The following KMT2C variants were observed in gnomAD, a reference collection of about 807,000 sequenced individuals.
KMT2C encodes lysine methyltransferase 2C.
In KMT2C, 88 loss-of-function variants were observed where a neutral mutation model predicts 507.9. The ratio of observed to expected loss-of-function variants is 0.17; its 90% confidence interval spans 0.15 to 0.21. The LOEUF (loss-of-function observed/expected upper bound fraction) is 0.21. Ranked by LOEUF, KMT2C falls within the 10% of genes least tolerant of loss-of-function variation. KMT2C has a pLI of 1.00. For missense variants in KMT2C, 4,954 were observed against 5,957.8 expected, an observed-to-expected ratio of 0.83 and a Z score of 5.55; for synonymous variants, 2,049 against 2,080.8, an observed-to-expected ratio of 0.98 and a Z score of 0.42.
In KMT2C at chr7:152,177,602, A is replaced by G; in HGVS notation, c.7851T>C (p.Asn2617=). The G allele has an allele frequency of 4.3e-6, 7 of 1,614,128 alleles. No individual in the cohort carries two copies. Among genetic ancestry groups the G allele is most frequent in the Non-Finnish European group, 5.9e-6 (7 of 1,180,020 alleles). Residue 2617 remains asparagine (N), a synonymous_variant, in exon 38 of 59, where the codon AAT becomes AAC. Transcript: ENST00000262189. The stretch of plus-strand genomic sequence containing the variant: ...CCAAATCTGGGTGCACAGGTAGCTG[A>G]TTAGGTAGACCCTGGGGAGGTCGTC... ...PMRRPPQGLP[N]QLPVHPDLEQ... is the part of the protein sequence containing the mutation.
intron 15 of KMT2C, among the ~76,000 whole-genome samples, chr7:152,237,327 C>G (rs1197874344): frequency 7.9e-5 from 12 of 151,788 alleles, no homozygotes; most frequent in Admixed American, 7.9e-4. Flanking sequence ...ACAAAAGGAA[C>G]GGGAGGAATG....
chr7:152,287,095 C>A (rs1372997969), intron 6 of KMT2C, among the ~76,000 whole-genome samples: 1 of 152,214 alleles, frequency 6.6e-6, no homozygotes, highest in Non-Finnish European at 1.5e-5. Flanking sequence ...GACATTCATA[C>A]CCACTGAGCA....
chr7:152,173,479 T>A (rs1321610705), intron 39 of KMT2C, among the ~76,000 whole-genome samples: 2 of 152,130 alleles, frequency 1.3e-5, no homozygotes, highest in Non-Finnish European at 2.9e-5. Context: ...ATCTGCATTT[T>A]AAAAAAATTA....
chr7:152,284,444 A>G (rs1031605573), intron 6 of KMT2C, among the ~76,000 whole-genome samples: 6 of 152,132 alleles, frequency 3.9e-5, no homozygotes, highest in African/African-American at 9.7e-5. Flanking sequence ...TTCTTTTATC[A>G]TATGTGTAAT....
Position 152,146,745 on chromosome 7 carries a change from G to A in KMT2C, c.13895-10C>T. Reference sequence around the variant, plus strand: ...ATCTTATCCCAGACACCTACACAGGGACAAAAACATAATTTTTATAGGAAA... The same window carrying A: ...ATCTTATCCCAGACACCTACACAGGAACAAAAACATAATTTTTATAGGAAA... On this transcript the variant is annotated splice_polypyrimidine_tract_variant and intron_variant, in intron 52 of 58. Coordinates refer to ENST00000262189, the MANE Select transcript of KMT2C (RefSeq NM_170606.3). The A allele has an allele frequency of 1.2e-6, 2 of 1,611,760 alleles. No homozygotes were observed. The highest frequency in any genetic ancestry group is 1.7e-6 in the Non-Finnish European group (2 of 1,178,774).
At chr7:152,324,092 G>A (rs1380523835) in intron 3 of KMT2C, among the ~76,000 whole-genome samples, 2 of 151,676 alleles carry the variant, frequency 1.3e-5, no homozygotes, top group African/African-American at 2.4e-5. Flanking sequence ...ATTGAGATAG[G>A]AGGAATAGGT....
intron 4 of KMT2C, 171 bp from the exon 5 acceptor site, chr7:152,312,117 A>T (rs955870631): frequency 4.6e-6 from 2 of 439,120 alleles, no homozygotes; most frequent in African/African-American, 4.0e-5. Context: ...ATAATATTAA[A>T]CTGGGTTGCC....
Position 152,181,923 on chromosome 7 carries a change from G to A in KMT2C, c.5937C>T (p.Pro1979=), listed in dbSNP as rs1159359956. The A allele has an allele frequency of 8.7e-6, 14 of 1,613,996 alleles. No homozygotes were observed. The highest frequency in any genetic ancestry group is 1.1e-5 in the Non-Finnish European group (13 of 1,180,016). ...TPRPVMTDQF[P]KSLGLSRSPV... is the part of the protein sequence containing the mutation. ...GAGACCGGGATAGGCCCAAGGATTT[G>A]GGAAATTGATCTGTCATCACAGGCC... The change falls in exon 36 of 59, where the codon CCC becomes CCT. Residue 1979 remains proline (P), a synonymous_variant. Transcript: ENST00000262189.
intron 55 of KMT2C, among the ~76,000 whole-genome samples, chr7:152,140,963 G>A (rs2090463216): frequency 6.6e-6 from 1 of 152,236 alleles, no homozygotes; most frequent in Non-Finnish European, 1.5e-5. Flanking sequence ...AAATGGGCCA[G>A]GCGTGGTGAC....
chr7:152,315,242 T>C lies in KMT2C; in HGVS notation c.486A>G (p.Pro162=), dbSNP rs141143474. 2.1e-5 allele frequency: 34 copies of C among 1,614,034 alleles called. No individual in the cohort carries two copies. The highest frequency in any genetic ancestry group is 1.6e-4 in the African/African-American group (12 of 75,038). Residue 162 remains proline, a synonymous_variant, in exon 4 of 59, where the codon CCA becomes CCG. Coordinates refer to ENST00000262189, the MANE Select transcript of KMT2C (RefSeq NM_170606.3). ...QFRITPGFIL[P]WRNQPSNKKD... is the part of the protein sequence containing the mutation. ...TCTTGTTAGAAGGTTGGTTTCTCCA[T>C]GGCAAGATAAATCCAGGCGTTATTC...
chr7:152,197,819 C>A (rs1271281813), intron 27 of KMT2C, among the ~76,000 whole-genome samples: 1 of 151,680 alleles, frequency 6.6e-6, no homozygotes, highest in Admixed American at 6.6e-5. Flanking sequence ...AGTTCAATTG[C>A]AAAGAACAAT....
At chr7:152,356,577 C>CA (rs888298894) in intron 2 of KMT2C, among the ~76,000 whole-genome samples, 18 of 146,560 alleles carry the variant, frequency 1.2e-4, no homozygotes, top group Non-Finnish European at 6.0e-5. Flanking sequence ...AACTCTGTCT[C>CA]AAAAAAACAA....
rs569457060 is a variant in KMT2C at position 152,377,463 on chromosome 7, G to C, written c.162-18788C>G. 2.1e-4 allele frequency among the ~76,000 whole-genome samples: 32 copies of C among 152,280 alleles called. No homozygotes were observed. The South Asian group carries it at 6.4e-3, about 31-fold the overall frequency. On this transcript the variant is annotated intron_variant, in intron 1 of 58. Transcript: ENST00000262189. ...TAAGAAATACATTTCGGCCAGGTAC[G>C]GTGGCTCATGCCTGTAATCCCAGCA... is the stretch of plus-strand genomic sequence containing the variant.
rs938826373 is a variant in KMT2C, at chr7:152,308,673, C to CAAAAAAAAAAA, written c.849+1282_849+1292dup. 4.6e-3 allele frequency among the ~76,000 whole-genome samples: 112 copies of CAAAAAAAAAAA among 24,566 alleles called. 8 individuals carry two copies. The highest frequency in any genetic ancestry group is 0.012 in the African/African-American group (80 of 6,732). The allele number at this position is 24,566 out of a possible 152,430, so 16.1% of individuals were successfully genotyped here. On this transcript the variant is annotated intron_variant, in intron 6 of 58. Coordinates refer to ENST00000262189, the MANE Select transcript of KMT2C (RefSeq NM_170606.3). Reference sequence around the variant, plus strand: ...CTGCACAACACAGCAAAACTCCTCTCAAAAAAAAAAAAAAAAAAAAAAAAA... The same window carrying CAAAAAAAAAAA: ...CTGCACAACACAGCAAAACTCCTCTCAAAAAAAAAAAAAAAAAAAAAAAAAAAAAAAAAAAA...
chr7:152,225,655 A>T (rs192857991), intron 18 of KMT2C, among the ~76,000 whole-genome samples: 1 of 152,322 alleles, frequency 6.6e-6, no homozygotes, highest in East Asian at 1.9e-4. Flanking sequence ...AAGACTTGGG[A>T]TCTATAAATC....
intron 1 of KMT2C, among the ~76,000 whole-genome samples, chr7:152,423,003 C>T (rs1363520643): frequency 1.4e-5 from 2 of 144,912 alleles, no homozygotes; most frequent in African/African-American, 2.6e-5. Flanking sequence ...GGCAACAGAG[C>T]GAGACTCTCA....
chr7:152,148,421 A>G lies in KMT2C; in HGVS notation c.13506T>C (p.Leu4502=), dbSNP rs933037404. The change falls in exon 52 of 59, where the codon CTT becomes CTC. Residue 4502 remains leucine, a synonymous_variant. Coordinates refer to ENST00000262189, the MANE Select transcript of KMT2C (RefSeq NM_170606.3). This position sits in a 1 kb window ranked among gnomAD's most constrained non-coding sequence, Gnocchi z 7.1. The part of the protein sequence containing the change: ...QCMFFKDKTM[L]CPMHKPKGIH... ...TTCCCTTTGGTTTGTGCATGGGGCAAAGCATAGTTTTGTCCTTAAAAAACA... is the reference window on the plus strand; with the variant it reads ...TTCCCTTTGGTTTGTGCATGGGGCAGAGCATAGTTTTGTCCTTAAAAAACA... 4 of 1,614,148 alleles carry G rather than the reference A, an allele frequency of 2.5e-6. No individual in the cohort carries two copies. The highest frequency in any genetic ancestry group is 3.4e-6 in the Non-Finnish European group (4 of 1,180,054).
chr7:152,243,654 G>A (rs891067512), intron 14 of KMT2C, among the ~76,000 whole-genome samples: 9 of 151,970 alleles, frequency 5.9e-5, no homozygotes, highest in African/African-American at 1.9e-4. Context: ...GTGTGTTGAC[G>A]TGCGCCCGTA....
chr7:152,362,021 GAAAT>G (rs1205500403), intron 1 of KMT2C, among the ~76,000 whole-genome samples: 8 of 152,004 alleles, frequency 5.3e-5, no homozygotes, highest in African/African-American at 1.9e-4. Flanking sequence ...AGTGGATACA[GAAAT>G]AAATAAAACA....
Sources: gnomAD v4.1 joint callset for allele counts (sites outside exome capture counted in the v4.1 genomes callset) on GRCh38, gnomAD v4.1.1 for gene constraint, Gnocchi (gnomAD v3.1) non-coding constraint, MANE v1.5 for transcripts, NCBI Gene and HGNC (gene_info 2026-07-23, HGNC 2026-07-21) for gene names.